GRM3: variants seen among roughly 807,000 people sequenced by gnomAD.
The protein encoded by GRM3 is glutamate metabotropic receptor 3, also known as metabotropic glutamate receptor 3.
In GRM3, 26 loss-of-function variants were observed where a neutral mutation model predicts 70.5. The ratio of observed to expected loss-of-function variants is 0.37; its 90% confidence interval spans 0.27 to 0.51. The LOEUF (loss-of-function observed/expected upper bound fraction) is 0.51. GRM3 is among the 20% of genes least tolerant of loss of function. The pLI, the probability that GRM3 is intolerant of heterozygous loss-of-function variation, is 0.93. For synonymous variants in GRM3, 443 were observed against 434.9 expected (o/e 1.02, Z -0.23); for missense variants, 859 against 1,123.8 (o/e 0.76, Z 3.37).
At chr7:86,850,186 A>G (rs1798729456) in intron 4 of GRM3, among the ~76,000 whole-genome samples, 184 bp from the exon 5 acceptor site, 1 of 152,180 alleles carries the variant, frequency 6.6e-6, no homozygotes, top group Non-Finnish European at 1.5e-5. Context: ...ATCCTAAGCA[A>G]TATTTCCAAG....
At chr7:86,810,480 A>G (rs1385101470) in intron 3 of GRM3, among the ~76,000 whole-genome samples, 1 of 152,036 alleles carries the variant, frequency 6.6e-6, no homozygotes, top group Non-Finnish European at 1.5e-5. Flanking sequence ...TTCACTGAAA[A>G]TAACAAGGTA....
At chr7:86,809,284 A>G (rs1041427700) in intron 3 of GRM3, among the ~76,000 whole-genome samples, 1 of 152,080 alleles carries the variant, frequency 6.6e-6, no homozygotes, top group Non-Finnish European at 1.5e-5. Context: ...ACTCAAATAC[A>G]GTACTTACCA....
At chr7:86,771,130 G>T (rs1263755626) in intron 2 of GRM3, among the ~76,000 whole-genome samples, 7 of 152,110 alleles carry the variant, frequency 4.6e-5, no homozygotes, top group Admixed American at 2.0e-4. Context: ...GGGGTTGAAG[G>T]AAGTGAGTTC....
Position 86,644,818 on chromosome 7 carries a change from G to T in GRM3, c.-195G>T, listed in dbSNP as rs1254274278. The T allele has an allele frequency of 7.0e-6, 9 of 1,289,706 alleles. No homozygotes were observed. In the African/African-American group the frequency reaches 1.1e-4, roughly 15 times the overall value. 79.9% of individuals were successfully genotyped at this position (1,289,706 alleles called of 1,614,324 possible). Reference sequence around the variant, plus strand: ...GCCAGAGCCCGGGTGCAGGCTCACCGCCGCCGCTGCCACCGCGGTCAGCTC... The same window carrying T: ...GCCAGAGCCCGGGTGCAGGCTCACCTCCGCCGCTGCCACCGCGGTCAGCTC... On this transcript the variant is annotated 5_prime_UTR_variant, in exon 1 of 6. Coordinates refer to ENST00000361669, the MANE Select transcript of GRM3 (RefSeq NM_000840.3).
At chr7:86,709,227 C>T (rs1358794964) in intron 1 of GRM3, among the ~76,000 whole-genome samples, 1 of 151,892 alleles carries the variant, frequency 6.6e-6, no homozygotes, top group Non-Finnish European at 1.5e-5. Flanking sequence ...TCAGTTATTC[C>T]AATTCTCTGT....
chr7:86,711,484 T>C (rs1179675099), intron 1 of GRM3, among the ~76,000 whole-genome samples: 2 of 152,238 alleles, frequency 1.3e-5, no homozygotes, highest in Non-Finnish European at 2.9e-5. Flanking sequence ...AATTCCTTCA[T>C]CATTTCCTTT....
intron 1 of GRM3, among the ~76,000 whole-genome samples, chr7:86,689,956 A>G (rs1007952781): frequency 2.6e-5 from 4 of 152,202 alleles, no homozygotes; most frequent in Admixed American, 6.6e-5. Flanking sequence ...TCCTTCAGCA[A>G]TCACTCACTA....
intron 3 of GRM3, among the ~76,000 whole-genome samples, chr7:86,792,357 T>C (rs1797439214): frequency 6.6e-6 from 1 of 152,044 alleles, no homozygotes; most frequent in Non-Finnish European, 1.5e-5. Flanking sequence ...GTAACTGGAG[T>C]ATACCCAATT....
intron 1 of GRM3, among the ~76,000 whole-genome samples, chr7:86,743,338 C>T (rs1796030052): frequency 2.0e-5 from 3 of 151,948 alleles, no homozygotes; most frequent in Admixed American, 2.0e-4. Context: ...AAATATCCTC[C>T]CCCAGCCACA....
intron 1 of GRM3, among the ~76,000 whole-genome samples, chr7:86,656,744 G>A (rs900540368): frequency 4.6e-5 from 7 of 152,014 alleles, no homozygotes; most frequent in Non-Finnish European, 1.0e-4. Context: ...GAATGTATGA[G>A]TGTAATAATA....
intron 2 of GRM3, among the ~76,000 whole-genome samples, chr7:86,769,745 G>A (rs935011039): frequency 1.6e-4 from 24 of 152,094 alleles, no homozygotes; most frequent in African/African-American, 5.6e-4. Context: ...TTTTCCCAAT[G>A]CTCTTATTAA....
At position 86,864,651 on chromosome 7, in the gene GRM3, C is replaced by CAAAAAAAAAAAAAAAAAAAAAAAAAAAA. The variant is rs537356930; in HGVS notation, c.*309_*310insAAAAAAAAAAAAAAAAAAAAAAAAAAAA. The CAAAAAAAAAAAAAAAAAAAAAAAAAAAA allele has an allele frequency of 9.8e-6, 1 of 101,652 alleles. No homozygotes were observed. The allele number at this position is 101,652 out of a possible 1,614,324, so 6.3% of individuals were successfully genotyped here. ...TCTACTAAAAAACAAAAAAAAAAAA[C>CAAAAAAAAAAAAAAAAAAAAAAAAAAAA]AAAAAAAAAAAAACAAAAGAAAAAA... is the stretch of plus-strand genomic sequence containing the variant. On this transcript the variant is annotated 3_prime_UTR_variant, in exon 6 of 6. Coordinates refer to ENST00000361669, the MANE Select transcript of GRM3 (RefSeq NM_000840.3).
Position 86,765,083 on chromosome 7 carries a change from G to A in GRM3, c.-63G>A. The A allele has an allele frequency of 4.0e-6, 6 of 1,507,088 alleles. No homozygotes were observed. The highest frequency in any genetic ancestry group is 5.3e-6 in the Non-Finnish European group (6 of 1,134,758). 93.4% of individuals were successfully genotyped at this position (1,507,088 alleles called of 1,614,324 possible). A position where few individuals can be genotyped will look rare whatever the true frequency, so the allele number is the denominator to read the frequency against. On this transcript the variant is annotated 5_prime_UTR_variant, in exon 2 of 6. Coordinates refer to ENST00000361669, the MANE Select transcript of GRM3 (RefSeq NM_000840.3). Reference sequence around the variant, plus strand: ...CCAAAGATCCAGTTTGGAAATGAGAGAGGACTAGCATGACACATTGGCTCC... The same window carrying A: ...CCAAAGATCCAGTTTGGAAATGAGAAAGGACTAGCATGACACATTGGCTCC...
At chr7:86,795,799 CAAG>C (rs1286584246) in intron 3 of GRM3, among the ~76,000 whole-genome samples, 4 of 152,116 alleles carry the variant, frequency 2.6e-5, no homozygotes, top group African/African-American at 4.8e-5. Flanking sequence ...ATTTCTGGTT[CAAG>C]GTCTTTGAGG....
chr7:86,805,838 C>T (rs941714498), intron 3 of GRM3, among the ~76,000 whole-genome samples: 1 of 152,008 alleles, frequency 6.6e-6, no homozygotes, highest in Admixed American at 6.6e-5. Flanking sequence ...CATGTTGGTG[C>T]GTTGCACTCA....
At chr7:86,756,798 T>C (rs1397411721) in intron 1 of GRM3, among the ~76,000 whole-genome samples, 1 of 152,172 alleles carries the variant, frequency 6.6e-6, no homozygotes, top group African/African-American at 2.4e-5. Context: ...TTTCTCTCAT[T>C]CATCTCTCCT....
At chr7:86,795,197 A>G (rs1797519125) in intron 3 of GRM3, among the ~76,000 whole-genome samples, 1 of 151,990 alleles carries the variant, frequency 6.6e-6, no homozygotes, top group Non-Finnish European at 1.5e-5. Flanking sequence ...AGTGGGGTTA[A>G]CACATACAGA....
chr7:86,798,966 G>A (rs889812738), intron 3 of GRM3, among the ~76,000 whole-genome samples: 1 of 150,284 alleles, frequency 6.7e-6, no homozygotes, highest in Non-Finnish European at 1.5e-5. Flanking sequence ...CTCTGAGTCT[G>A]TAAACCTCTT....
chr7:86,722,320 C>T (rs1309374984), intron 1 of GRM3, among the ~76,000 whole-genome samples: 1 of 152,052 alleles, frequency 6.6e-6, no homozygotes, highest in African/African-American at 2.4e-5. Flanking sequence ...TATTGCAGCA[C>T]TGTTCATAAT....
Sources: allele counts gnomAD v4.1 joint callset (sites outside exome capture counted in the v4.1 genomes callset), GRCh38; gene constraint gnomAD v4.1.1; transcripts MANE v1.5; gene names NCBI Gene and HGNC (gene_info 2026-07-23, HGNC 2026-07-21).